ATP8B2: variants seen among roughly 807,000 people sequenced by gnomAD.
ATP8B2 encodes the protein phospholipid-transporting ATPase ID.
ATP8B2 carries 70 observed loss-of-function variants against 133.4 expected under a neutral mutation model. The ratio of observed to expected loss-of-function variants is 0.52; its 90% CI spans 0.43 to 0.64. The LOEUF (loss-of-function observed/expected upper bound fraction) is 0.64, where lower values mean the gene tolerates loss of function less well. Ranked by LOEUF, ATP8B2 falls within the 30% of genes least tolerant of loss-of-function variation. The probability of loss-of-function intolerance (pLI) is 0.00; values close to 1 mark genes in which losing one functional copy is unlikely to be tolerated. For missense variants in ATP8B2, 1,101 were observed against 1,535.7 expected, an observed-to-expected ratio of 0.72 and a Z score of 4.73; for synonymous variants, 517 against 589.5, an observed-to-expected ratio of 0.88 and a Z score of 1.78.
chr1:154,328,243 A>T lies in ATP8B2; in HGVS notation c.31+71A>T. On this transcript the variant is annotated intron_variant, in intron 2 of 27. Transcript: ENST00000368489. The surrounding 1 kb of genome is among the most constrained non-coding windows in gnomAD (Gnocchi z 4.6). ...GTGTTGTTATGGCTCAGGGAGCAAA[A>T]GGAAAAGGGACAACTGGTATGGGTC... 6.7e-7 allele frequency: 1 copy of T among 1,481,936 alleles called. No individual in the cohort carries two copies. The highest frequency in any genetic ancestry group is 1.7e-5 in the Admixed American group (1 of 59,716). 91.8% of individuals were successfully genotyped at this position (1,481,936 alleles called of 1,614,324 possible).
At chr1:154,326,843 C>T (rs1685808435) in intron 1 of ATP8B2, among the ~76,000 whole-genome samples, 1 of 152,204 alleles carries the variant, frequency 6.6e-6, no homozygotes, top group Admixed American at 6.5e-5. Flanking sequence ...TTTAACCTCT[C>T]CCTGTGCTCC....
At position 154,342,843 on chromosome 1, in the gene ATP8B2, G is replaced by T. The variant is rs113465986; in HGVS notation, c.1335G>T (p.Lys445Asn). The change falls in exon 15 of 28, where the codon AAG (lysine) becomes AAT (asparagine). Residue 445 changes from lysine to asparagine, a missense_variant. Coordinates refer to ENST00000368489, the MANE Select transcript of ATP8B2 (RefSeq NM_001370597.1). ...DFSFNPLADK[K>N]FLFWDPSLLE... ...CCTTCAATCCTCTGGCTGACAAGAA[G>T]TTCTTATTTTGGGACCCCAGCCTGC... The T allele has an allele frequency of 1.9e-6, 3 of 1,614,186 alleles. No individual in the cohort carries two copies. Among genetic ancestry groups the T allele is most frequent in the South Asian group, 2.2e-5 (2 of 91,090 alleles).
At chr1:154,330,752 G>A (rs115165870) in intron 3 of ATP8B2, 63 bp from the exon 4 acceptor site, 46,636 of 1,385,138 alleles carry the variant, frequency 0.034, 932 homozygotes, top group Non-Finnish European at 0.041. Context: ...GGGGGAGGCA[G>A]CCTCAGTCTG....
chr1:154,329,118 T>C, intron 2 of ATP8B2: 1 of 1,222,024 alleles, frequency 8.2e-7, no homozygotes, highest in South Asian at 1.4e-5. Context: ...CACCCATTAT[T>C]TCCCCCCTCC....
At chr1:154,347,074 G>T (rs910207879) in intron 26 of ATP8B2, among the ~76,000 whole-genome samples, 1 of 152,086 alleles carries the variant, frequency 6.6e-6, no homozygotes, top group African/African-American at 2.4e-5. Context: ...ATTTTTAGTA[G>T]AGATAGGGTT....
At position 154,343,775 on chromosome 1, in the gene ATP8B2, C is replaced by T. The variant is rs1558274170; in HGVS notation, c.1759-118C>T. 1 of 1,267,746 alleles carries T rather than the reference C, an allele frequency of 7.9e-7. No individual in the cohort carries two copies. The highest frequency in any genetic ancestry group is 1.1e-6 in the Non-Finnish European group (1 of 918,414). 78.5% of individuals were successfully genotyped at this position (1,267,746 alleles called of 1,614,324 possible). A position where few individuals can be genotyped will look rare whatever the true frequency, so the allele number is the denominator to read the frequency against. ...TCTTTTTATGTATGTGGTGACAGTC[C>T]CTAACTGTGGAATGTGGCACACACC... On this transcript the variant is annotated intron_variant, in intron 17 of 27. Coordinates refer to ENST00000368489, the MANE Select transcript of ATP8B2 (RefSeq NM_001370597.1). The surrounding 1 kb of genome is among the most constrained non-coding windows in gnomAD (Gnocchi z 5.8).
At chr1:154,336,501 T>C (rs1686187374) in intron 11 of ATP8B2, among the ~76,000 whole-genome samples, 1 of 94,904 alleles carries the variant, frequency 1.1e-5, no homozygotes, top group African/African-American at 3.6e-5. Context: ...TTTTTTTTTT[T>C]GAGACGGAGT....
chr1:154,344,480 G>T lies in ATP8B2; in HGVS notation c.2121G>T (p.Leu707=). 1 of 1,614,150 alleles carries T rather than the reference G, an allele frequency of 6.2e-7. No homozygotes were observed. The highest frequency in any genetic ancestry group is 8.5e-7 in the Non-Finnish European group (1 of 1,180,020). ...TCATAGTCACTGGCCATACTGTCCTGGAGGTGCGGGAGGAGCTCAGGTAAA... is the reference window on the plus strand; with the variant it reads ...TCATAGTCACTGGCCATACTGTCCTTGAGGTGCGGGAGGAGCTCAGGTAAA... ...EVFIVTGHTV[L]EVREELRKAR... is the part of the protein sequence containing the mutation. Residue 707 remains leucine (L), a synonymous_variant, in exon 20 of 28, where the codon CTG becomes CTT. Coordinates refer to ENST00000368489, the MANE Select transcript of ATP8B2 (RefSeq NM_001370597.1). The surrounding 1 kb of genome is among the most constrained non-coding windows in gnomAD (Gnocchi z 4.1).
In ATP8B2 at chr1:154,351,028, G is replaced by C. The variant is rs1315577851; in HGVS notation, c.*1910G>C. ...AACCCAGTATCATGTCTGTCTGTGTGTCTCTCAAGGTGAGAGTCTGATTTT... is the reference window on the plus strand; with the variant it reads ...AACCCAGTATCATGTCTGTCTGTGTCTCTCTCAAGGTGAGAGTCTGATTTT... On this transcript the variant is annotated 3_prime_UTR_variant, in exon 28 of 28. Transcript: ENST00000368489. 1.3e-5 allele frequency: 2 copies of C among 151,914 alleles called. No individual in the cohort carries two copies. The highest frequency in any genetic ancestry group is 4.8e-5 in the African/African-American group (2 of 41,248). The allele number at this position is 151,914 out of a possible 1,614,324, so 9.4% of individuals were successfully genotyped here.
At chr1:154,332,079 G>T in intron 8 of ATP8B2, 55 bp downstream of exon 8, 5 of 1,566,876 alleles carry the variant, frequency 3.2e-6, no homozygotes, top group Non-Finnish European at 4.4e-6. Flanking sequence ...GAGGTAAAAA[G>T]ATTGTCTTTG....
In ATP8B2 at chr1:154,330,803, C is replaced by T; in HGVS notation, c.91-12C>T. 6.2e-7 allele frequency: 1 copy of T among 1,605,904 alleles called. No individual in the cohort carries two copies. Among genetic ancestry groups the T allele is most frequent in the East Asian group, 2.2e-5 (1 of 44,834 alleles). ...TGGAGACTGCTCATTATCTTCTCTC[C>T]TACTGCCATAGAGTAACTGCATCAA... On this transcript the variant is annotated splice_polypyrimidine_tract_variant and intron_variant, in intron 3 of 27. Coordinates refer to ENST00000368489, the MANE Select transcript of ATP8B2 (RefSeq NM_001370597.1).
In ATP8B2 at chr1:154,343,428, CT is replaced by C. The variant is rs1383607125; in HGVS notation, c.1643-22del. On this transcript the variant is annotated intron_variant, in intron 16 of 27. Transcript: ENST00000368489. The surrounding 1 kb of genome is among the most constrained non-coding windows in gnomAD (Gnocchi z 5.8). ...TTTGCCTGTCTGAATTTTTCTGGCA[CT>C]TTCTTCACCTGCCCCATTCATAGTG... 6.2e-7 allele frequency: 1 copy of C among 1,612,328 alleles called. No individual in the cohort carries two copies. The highest frequency in any genetic ancestry group is 1.3e-5 in the African/African-American group (1 of 74,956).
Position 154,346,238 on chromosome 1 carries a change from C to T in ATP8B2, c.2786C>T (p.Pro929Leu). Residue 929 changes from proline to leucine, a missense_variant, in exon 25 of 28, where the codon CCC (proline) becomes CTC (leucine). Pro to Leu is a moderately conservative substitution (Grantham distance 98). Coordinates refer to ENST00000368489, the MANE Select transcript of ATP8B2 (RefSeq NM_001370597.1). The surrounding 1 kb of genome is among the most constrained non-coding windows in gnomAD (Gnocchi z 4.5). ...CATGGTCCTCCCACACAGGATGTCC[C>T]CGAGCAGCGGAGCATGGAGTACCCT... Reference protein sequence around the residue: ...LAMGVFDQDVPEQRSMEYPKL... With the variant: ...LAMGVFDQDVLEQRSMEYPKL... 6.2e-7 allele frequency: 1 copy of T among 1,613,650 alleles called. No homozygotes were observed. Among genetic ancestry groups the T allele is most frequent in the Non-Finnish European group, 8.5e-7 (1 of 1,179,936 alleles).
Position 154,345,714 on chromosome 1 carries a change from C to A in ATP8B2, c.2695-86C>A. ...GAGCCTCAGAAAATTTCTTAGGGTT[C>A]TCTGTATGTGACATCAGCTGTCTTC... On this transcript the variant is annotated intron_variant, in intron 23 of 27. Coordinates refer to ENST00000368489, the MANE Select transcript of ATP8B2 (RefSeq NM_001370597.1). This position sits in a 1 kb window ranked among gnomAD's most constrained non-coding sequence, Gnocchi z 5.6. 2.2e-6 allele frequency: 3 copies of A among 1,392,986 alleles called. No homozygotes were observed. The highest frequency in any genetic ancestry group is 3.0e-6 in the Non-Finnish European group (3 of 986,892). 86.3% of individuals were successfully genotyped at this position (1,392,986 alleles called of 1,614,324 possible).
In ATP8B2 at chr1:154,331,792, C is replaced by A; in HGVS notation, c.438+114C>A. On this transcript the variant is annotated intron_variant, in intron 7 of 27. Transcript: ENST00000368489. The surrounding 1 kb of genome is among the most constrained non-coding windows in gnomAD (Gnocchi z 4.8). ...TTAAACACCCGTGGCAGGAATCTTT[C>A]TCACACCAGGGGCTTCTGTGTCATG... 2 of 1,344,726 alleles carry A rather than the reference C, an allele frequency of 1.5e-6. No individual in the cohort carries two copies. Among genetic ancestry groups the A allele is most frequent in the Middle Eastern group, 2.1e-4 (1 of 4,672 alleles). The allele number at this position is 1,344,726 out of a possible 1,614,324, so 83.3% of individuals were successfully genotyped here.
intron 1 of ATP8B2, chr1:154,327,692 T>A: frequency 9.0e-7 from 1 of 1,110,050 alleles, no homozygotes; most frequent in Admixed American, 1.8e-5. Flanking sequence ...GCCAGGTGTT[T>A]CCTGGCTCAT....
In ATP8B2 at chr1:154,346,992, C is replaced by T. The variant is rs1270117118; in HGVS notation, c.3163+234C>T. On this transcript the variant is annotated intron_variant, in intron 26 of 27. Coordinates refer to ENST00000368489, the MANE Select transcript of ATP8B2 (RefSeq NM_001370597.1). The surrounding 1 kb of genome is among the most constrained non-coding windows in gnomAD (Gnocchi z 4.5). The stretch of plus-strand genomic sequence containing the variant: ...GCAGCCTCTGCCTCCCGGGTTCAAG[C>T]GATTCTCATGCCTCAGCCTCCTGAG... Among the ~76,000 whole-genome samples the T allele has an allele frequency of 1.3e-5, 2 of 152,146 alleles. No homozygotes were observed. Among genetic ancestry groups the T allele is most frequent in the Non-Finnish European group, 2.9e-5 (2 of 68,034 alleles).
chr1:154,328,770 C>A lies in ATP8B2; in HGVS notation c.31+598C>A, dbSNP rs1194611. On this transcript the variant is annotated intron_variant, in intron 2 of 27. Transcript: ENST00000368489. This position sits in a 1 kb window ranked among gnomAD's most constrained non-coding sequence, Gnocchi z 4.6. ...GCGCACGCTGGCATCCGCCGGGGGGCATGGGGGGCGGCGGCGGCGGCGCAG... is the reference window on the plus strand; with the variant it reads ...GCGCACGCTGGCATCCGCCGGGGGGAATGGGGGGCGGCGGCGGCGGCGCAG... The A allele has an allele frequency of 0.6, 597,401 of 997,296 alleles. 180,924 individuals carry two copies. Among genetic ancestry groups the A allele is most frequent in the East Asian group, 0.7 (6,297 of 9,004 alleles). 61.8% of individuals were successfully genotyped at this position (997,296 alleles called of 1,614,324 possible). A position where few individuals can be genotyped will look rare whatever the true frequency, so the allele number is the denominator to read the frequency against.
chr1:154,326,706 G>T (rs1307813530), intron 1 of ATP8B2, among the ~76,000 whole-genome samples: 4 of 152,228 alleles, frequency 2.6e-5, no homozygotes, highest in East Asian at 1.9e-4. Context: ...CTGATGGCGT[G>T]TGCAGCTCCT....
Sources: allele counts gnomAD v4.1 joint callset (sites outside exome capture counted in the v4.1 genomes callset), GRCh38; gene constraint gnomAD v4.1.1; non-coding constraint Gnocchi (gnomAD v3.1); transcripts MANE v1.5; gene names NCBI Gene and HGNC (gene_info 2026-07-23, HGNC 2026-07-21).